TXLNB: variants seen among roughly 807,000 people sequenced by gnomAD.
The protein encoded by TXLNB is taxilin beta.
In TXLNB, 37 loss-of-function variants were observed where a neutral mutation model predicts 57.4. The observed-to-expected ratio is 0.64, with a 90% CI of 0.50 to 0.85. TXLNB has a LOEUF of 0.85. Among genes scored for constraint, TXLNB ranks in the 40% least tolerant of loss-of-function variants. The probability of loss-of-function intolerance (pLI) is 0.00; values close to 1 mark genes in which losing one functional copy is unlikely to be tolerated. For synonymous variants in TXLNB, 302 were observed against 309.6 expected (o/e 0.98, Z 0.26); for missense variants, 848 against 825.6 (o/e 1.03, Z -0.33).
chr6:139,279,837 C>A (rs1241070410), intron 2 of TXLNB, among the ~76,000 whole-genome samples: 1 of 152,204 alleles, frequency 6.6e-6, no homozygotes, highest in Non-Finnish European at 1.5e-5. Flanking sequence ...GGGCATGTAG[C>A]CACCACACTG....
In TXLNB at chr6:139,242,870, C is replaced by T. The variant is rs150610094; in HGVS notation, c.1711G>A (p.Ala571Thr). The T allele has an allele frequency of 6.8e-4, 1,102 of 1,614,144 alleles. 12 individuals carry two copies. In the African/African-American group the frequency reaches 0.013, roughly 19 times the overall value. Residue 571 changes from alanine (A) to threonine (T), a missense_variant, in exon 10 of 10, where the codon GCT becomes ACT. Physicochemically the swap from Ala to Thr is moderately conservative, Grantham distance 58. Transcript: ENST00000358430. ...TTACTGGCCTTGGAGGGAGGTTCAGCATCACTGCCTCCTTCGGCTTCAGCC... is the reference window on the plus strand; with the variant it reads ...TTACTGGCCTTGGAGGGAGGTTCAGTATCACTGCCTCCTTCGGCTTCAGCC... ...PQAEAEGGSD[A>T]EPPSKASNSP...
In TXLNB at chr6:139,242,559, G is replaced by A. The variant is rs759422802; in HGVS notation, c.2022C>T (p.Asn674=). The change falls in exon 10 of 10, where the codon AAC becomes AAT. Residue 674 remains asparagine (N), a synonymous_variant. Transcript: ENST00000358430. The part of the protein sequence containing the change: ...VGASAGPQPR[N]VADTNLEGVD ...CGCCTTCCAGATTGGTGTCAGCCAC[G>A]TTGCGCGGCTGGGGCCCAGCTGAGG... 3.4e-5 allele frequency: 52 copies of A among 1,513,214 alleles called. No homozygotes were observed. The highest frequency in any genetic ancestry group is 4.1e-5 in the Non-Finnish European group (47 of 1,133,694). The allele number at this position is 1,513,214 out of a possible 1,614,324, so 93.7% of individuals were successfully genotyped here.
chr6:139,254,185 T>C (rs894580034), intron 7 of TXLNB, among the ~76,000 whole-genome samples: 1 of 152,244 alleles, frequency 6.6e-6, no homozygotes, highest in Non-Finnish European at 1.5e-5. Flanking sequence ...TGCTTTGCTA[T>C]ATATGCATTG....
At chr6:139,260,159 G>A (rs542009901) in intron 6 of TXLNB, among the ~76,000 whole-genome samples, 159 bp downstream of exon 6, 101 of 152,254 alleles carry the variant, frequency 6.6e-4, no homozygotes, top group African/African-American at 2.3e-3. Context: ...GGCTGAGGTT[G>A]CAGTGAGCTG....
chr6:139,213,808 C>G, the TXLNB span, among the ~76,000 whole-genome samples: 2 of 152,246 alleles, frequency 1.3e-5, no homozygotes, highest in African/African-American at 4.8e-5. Context: ...CACCACCGAT[C>G]CCACAAAAAT....
chr6:139,287,999 C>T (rs1777216712), intron 2 of TXLNB, among the ~76,000 whole-genome samples: 1 of 152,222 alleles, frequency 6.6e-6, no homozygotes, highest in African/African-American at 2.4e-5. Flanking sequence ...AAGATAGGTA[C>T]AGATTTCTAG....
At chr6:139,318,030 G>A in the TXLNB span, among the ~76,000 whole-genome samples, 4 of 151,992 alleles carry the variant, frequency 2.6e-5, no homozygotes, top group African/African-American at 9.7e-5. Flanking sequence ...CACACTTTGG[G>A]AGGCCGAGGC....
the TXLNB span, chr6:139,177,049 C>T: frequency 5.8e-6 from 5 of 869,408 alleles, no homozygotes; most frequent in Non-Finnish European, 8.0e-6. This position sits in a 1 kb window ranked among gnomAD's most constrained non-coding sequence, Gnocchi z 4.9. Context: ...CTGTGGGAAC[C>T]TGGACTACCA....
At chr6:139,292,080 G>GCACACACACACA (rs754267593), upstream of TXLNB, 4 of 140,344 alleles carry the variant, frequency 2.9e-5, no homozygotes, top group African/African-American at 1.2e-4. This position sits in a 1 kb window ranked among gnomAD's most constrained non-coding sequence, Gnocchi z 4.0. Flanking sequence ...GTGCACGCAC[G>GCACACACACACA]CGCGCGCACA....
chr6:139,255,877 GA>G (rs950093965), intron 6 of TXLNB, among the ~76,000 whole-genome samples: 28 of 150,086 alleles, frequency 1.9e-4, no homozygotes, highest in Non-Finnish European at 2.7e-4. Context: ...AGGAGTTTGA[GA>G]ACAGCCTGGG....
At chr6:139,226,518 A>G in the TXLNB span, among the ~76,000 whole-genome samples, 42 of 152,178 alleles carry the variant, frequency 2.8e-4, no homozygotes, top group African/African-American at 1.0e-3. Flanking sequence ...GGTAAACCAC[A>G]GCATAGCAGA....
chr6:139,211,230 G>A, the TXLNB span, among the ~76,000 whole-genome samples: 8 of 152,164 alleles, frequency 5.3e-5, no homozygotes, highest in East Asian at 1.9e-4. Context: ...AGGCACCCCC[G>A]AGTAGGGGCG....
At chr6:139,222,468 CTAA>C in the TXLNB span, among the ~76,000 whole-genome samples, 1 of 152,068 alleles carries the variant, frequency 6.6e-6, no homozygotes. Context: ...TTTTATACAC[CTAA>C]TAATAAGACA....
intron 9 of TXLNB, 150 bp from the exon 10 acceptor site, chr6:139,243,464 C>CAGAT: frequency 1.5e-6 from 1 of 686,112 alleles, no homozygotes; most frequent in South Asian, 2.0e-5. Flanking sequence ...AGGGGCTGAA[C>CAGAT]AGATGCTTGG....
At chr6:139,276,952 T>A (rs1776914647) in intron 2 of TXLNB, 31 bp from the exon 3 acceptor site, 1 of 1,540,130 alleles carries the variant, frequency 6.5e-7, no homozygotes, top group African/African-American at 1.4e-5. Context: ...AAAAAATAAG[T>A]GTTGAATTTA....
chr6:139,319,427 A>T, the TXLNB span, among the ~76,000 whole-genome samples: 1 of 150,746 alleles, frequency 6.6e-6, no homozygotes, highest in African/African-American at 2.4e-5. Context: ...TTTTTGAGAC[A>T]GGGTCTCATT....
chr6:139,305,625 A>G, the TXLNB span, among the ~76,000 whole-genome samples: 3 of 152,198 alleles, frequency 2.0e-5, no homozygotes, highest in Non-Finnish European at 2.9e-5. Context: ...AAAAATCCCA[A>G]ACACATTGAA....
At chr6:139,236,504 A>G (rs1284073550), downstream of TXLNB, among the ~76,000 whole-genome samples, 2 of 152,084 alleles carry the variant, frequency 1.3e-5, no homozygotes, top group Non-Finnish European at 1.5e-5. Flanking sequence ...AGCACCTGGC[A>G]TTTCCCCTGC....
intron 2 of TXLNB, among the ~76,000 whole-genome samples, chr6:139,285,397 G>A (rs1777149983): frequency 7.0e-6 from 1 of 143,184 alleles, no homozygotes; most frequent in African/African-American, 2.6e-5. Flanking sequence ...ATGAGATTTT[G>A]TATATTGTCT....
Sources: allele counts gnomAD v4.1 joint callset (sites outside exome capture counted in the v4.1 genomes callset), GRCh38; gene constraint gnomAD v4.1.1; non-coding constraint Gnocchi (gnomAD v3.1); transcripts MANE v1.5; gene names NCBI Gene and HGNC (gene_info 2026-07-23, HGNC 2026-07-21).